Variants in XG observed in about 807,000 individuals in gnomAD.
XG encodes the protein glycoprotein Xg.
A neutral mutation model predicts 25.7 loss-of-function variants in XG; 24 were observed. The observed-to-expected ratio is 0.93, with a 90% CI of 0.68 to 1.31. The LOEUF is 1.31. XG is among the 40% of genes most tolerant of loss of function. The probability of loss-of-function intolerance (pLI) is 0.00; values close to 1 mark genes in which losing one functional copy is unlikely to be tolerated. For synonymous variants in XG, 77 were observed against 69.2 expected, an observed-to-expected ratio of 1.11 and a Z score of -0.56; for missense variants, 181 against 187.6, an observed-to-expected ratio of 0.96 and a Z score of 0.21.
At chrX:2,756,333 A>G (rs1391823804) in intron 1 of XG, among the ~76,000 whole-genome samples, 1 of 152,080 alleles carries the variant, frequency 6.6e-6, no homozygotes, top group African/African-American at 2.4e-5. Context: ...TATTGAGGGG[A>G]AAAAAAAGAA....
chrX:2,752,505 C>T (rs900191584), intron 1 of XG, among the ~76,000 whole-genome samples, 170 bp downstream of exon 1: 7 of 152,192 alleles, frequency 4.6e-5, no homozygotes, highest in East Asian at 1.9e-4. Flanking sequence ...AGGGAGAAGA[C>T]GGGCTGCTCC....
chrX:2,765,042 A>AGAG, intron 1 of XG, among the ~76,000 whole-genome samples: 2 of 6,662 alleles, frequency 3.0e-4, no homozygotes, highest in East Asian at 7.4e-3. Flanking sequence ...TTCTTTATCC[A>AGAG]AAAAAAAAAA....
At chrX:2,769,619 G>A (rs1028801035) in intron 1 of XG, among the ~76,000 whole-genome samples, 1 of 152,194 alleles carries the variant, frequency 6.6e-6, no homozygotes, top group African/African-American at 2.4e-5. Flanking sequence ...AGGGGCAAGT[G>A]AGGAACAAGA....
Position 2,814,592 on chromosome X carries a change from C to A in XG, c.*212C>A. The A allele has an allele frequency of 2.4e-6, 1 of 414,135 alleles. No individual in the cohort carries two copies. The allele number at this position is 414,135 out of a possible 1,213,427, so 34.1% of individuals were successfully genotyped here. On this transcript the variant is annotated 3_prime_UTR_variant, in exon 11 of 11. Transcript: ENST00000644266. ...AGATAAGTTAGGCAGCTAGACCCTG[C>A]GTTCTAAAAAAGGATTGCTTGCAAT...
intron 1 of XG, among the ~76,000 whole-genome samples, chrX:2,761,522 G>A (rs773499487): frequency 7.2e-5 from 11 of 152,206 alleles, no homozygotes; most frequent in Admixed American, 7.2e-4. Flanking sequence ...GGATGACCAC[G>A]TGGGGACACA....
chrX:2,790,826 T>A (rs1347212295), intron 5 of XG, among the ~76,000 whole-genome samples: 1 of 111,636 alleles, frequency 9.0e-6, no homozygotes, highest in Admixed American at 9.5e-5. Context: ...GGTGGTTGGA[T>A]ACAAGTATTA....
intron 2 of XG, 57 bp from the exon 3 acceptor site, chrX:2,774,659 C>G: frequency 6.2e-7 from 1 of 1,605,784 alleles, no homozygotes; most frequent in East Asian, 2.2e-5. Flanking sequence ...GGCCTTTCTT[C>G]ATGCTTCCAA....
At chrX:2,754,987 G>C (rs765002041) in intron 1 of XG, among the ~76,000 whole-genome samples, 1 of 152,298 alleles carries the variant, frequency 6.6e-6, no homozygotes, top group East Asian at 1.9e-4. Context: ...TGAGGATTTG[G>C]ACGGGGGCAG....
At chrX:2,811,772 T>C (rs1416621407) in intron 10 of XG, among the ~76,000 whole-genome samples, 2 of 110,337 alleles carry the variant, frequency 1.8e-5, no homozygotes, top group East Asian at 5.7e-4. Flanking sequence ...ATTTTTGTAT[T>C]TTTAGTAGAG....
chrX:2,811,146 T>C (rs2087051464), intron 9 of XG, among the ~76,000 whole-genome samples, 190 bp from the exon 10 acceptor site: 1 of 110,585 alleles, frequency 9.0e-6, no homozygotes, highest in African/African-American at 3.3e-5. Context: ...CTCTTTTTTT[T>C]CTGTGAATAC....
Position 2,815,225 on chromosome X carries a change from A to G in XG, c.*845A>G, listed in dbSNP as rs2087093376. On this transcript the variant is annotated 3_prime_UTR_variant, in exon 11 of 11. Coordinates refer to ENST00000644266, the MANE Select transcript of XG (RefSeq NM_001141919.2). ...TTGGTTTATACTTTTTCTATTCATC[A>G]GGGTAGGAAGTCTTAAATCCTTAGG... 9.0e-6 allele frequency: 1 copy of G among 111,510 alleles called. No individual in the cohort carries two copies. Among genetic ancestry groups the G allele is most frequent in the African/African-American group, 3.2e-5 (1 of 30,775 alleles). 9.2% of individuals were successfully genotyped at this position (111,510 alleles called of 1,213,427 possible).
chrX:2,752,267 A>C lies in XG; in HGVS notation c.-8A>C, dbSNP rs1288178331. On this transcript the variant is annotated 5_prime_UTR_variant, in exon 1 of 11. Coordinates refer to ENST00000644266, the MANE Select transcript of XG (RefSeq NM_001141919.2). ...GTCCACTGAGGTTCTTGCATCCTGAAGCAAACCATGGAGAGCTGGTGGGGA... is the reference window on the plus strand; with the variant it reads ...GTCCACTGAGGTTCTTGCATCCTGACGCAAACCATGGAGAGCTGGTGGGGA... The C allele has an allele frequency of 1.2e-6, 2 of 1,613,770 alleles. No homozygotes were observed. Among genetic ancestry groups the C allele is most frequent in the South Asian group, 1.1e-5 (1 of 91,062 alleles).
chrX:2,758,505 A>C (rs1437923288), intron 1 of XG, among the ~76,000 whole-genome samples: 4 of 152,186 alleles, frequency 2.6e-5, no homozygotes, highest in Admixed American at 6.5e-5. Flanking sequence ...CACAGTGGGG[A>C]GGCAGCTCTG....
rs761079287 is a variant in XG, at chrX:2,789,729, T to TTTTTATTTTATTTTA, written c.253+39_253+53dup. 3.5e-6 allele frequency: 3 copies of TTTTTATTTTATTTTA among 864,223 alleles called. No individual in the cohort carries two copies. The African/African-American group carries it at 6.6e-5, about 19-fold the overall frequency. The allele number at this position is 864,223 out of a possible 1,213,427, so 71.2% of individuals were successfully genotyped here. On this transcript the variant is annotated intron_variant, in intron 5 of 10. Transcript: ENST00000644266. ...GAGGTAATGAGTATTTATTTATTTATTTTTATTTTATTTTATTTTATTTTA... is the reference window on the plus strand; with the variant it reads ...GAGGTAATGAGTATTTATTTATTTATTTTTATTTTATTTTATTTTATTTTATTTTATTTTATTTTA...
At position 2,774,355 on chromosome X, in the gene XG, T is replaced by C. The variant is rs184642964; in HGVS notation, c.104-361T>C. Among the ~76,000 whole-genome samples, 314 of 145,852 alleles carry C rather than the reference T, an allele frequency of 2.2e-3. 6 individuals are homozygous for C. The highest frequency in any genetic ancestry group is 8.4e-3 in the African/African-American group (300 of 35,538). ...GAAAGAAAGTGAGATAAGCCATCATTCTGGAAGCTGCAAGTCTTTCTCCTT... is the reference window on the plus strand; with the variant it reads ...GAAAGAAAGTGAGATAAGCCATCATCCTGGAAGCTGCAAGTCTTTCTCCTT... On this transcript the variant is annotated intron_variant, in intron 2 of 10. Coordinates refer to ENST00000644266, the MANE Select transcript of XG (RefSeq NM_001141919.2).
intron 1 of XG, among the ~76,000 whole-genome samples, chrX:2,766,497 C>G (rs1222404717): frequency 1.2e-5 from 1 of 83,846 alleles, no homozygotes; most frequent in Non-Finnish European, 2.3e-5. Context: ...GGGAGCTTCT[C>G]TGGGATGGGG....
chrX:2,798,258 AAAC>A (rs1013817255), intron 7 of XG, among the ~76,000 whole-genome samples: 1 of 111,479 alleles, frequency 9.0e-6, no homozygotes, highest in African/African-American at 3.3e-5. Flanking sequence ...CTGAGAAAGA[AAAC>A]AATAACAAAA....
chrX:2,761,349 C>G (rs1041815269), intron 1 of XG, among the ~76,000 whole-genome samples: 12 of 151,346 alleles, frequency 7.9e-5, no homozygotes, highest in African/African-American at 2.9e-4. Context: ...GGAACCAGCT[C>G]TGCCCATGCC....
At chrX:2,767,566 C>G (rs1199049480) in intron 1 of XG, among the ~76,000 whole-genome samples, 2 of 152,128 alleles carry the variant, frequency 1.3e-5, no homozygotes, top group African/African-American at 4.8e-5. Context: ...AAATAAACCC[C>G]GTGAAAGCAA....
Sources: allele counts gnomAD v4.1 joint callset (sites outside exome capture counted in the v4.1 genomes callset), GRCh38; gene constraint gnomAD v4.1.1; transcripts MANE v1.5; gene names NCBI Gene and HGNC (gene_info 2026-07-23, HGNC 2026-07-21).